Variants in LNX1 observed in about 807,000 individuals in gnomAD.
LNX1 encodes the protein ligand of numb-protein X 1, also known as E3 ubiquitin-protein ligase LNX.
A neutral mutation model predicts 68.4 loss-of-function variants in LNX1; 54 were observed. The ratio of observed to expected loss-of-function variants is 0.79; its 90% CI spans 0.63 to 0.99. LNX1 has a LOEUF of 0.99. Among genes scored for constraint, LNX1 ranks in the 50% least tolerant of loss-of-function variants. LNX1 has a pLI of 0.00. For synonymous variants in LNX1, 336 were observed against 350.0 expected (o/e 0.96, Z 0.45); for missense variants, 906 against 926.4 (o/e 0.98, Z 0.29).
intron 9 of LNX1, among the ~76,000 whole-genome samples, chr4:53,472,713 G>C (rs1339241589): frequency 6.8e-6 from 1 of 147,608 alleles, no homozygotes; most frequent in Non-Finnish European, 1.5e-5. Context: ...AAAACAATGG[G>C]GAAGTAAAGG....
At chr4:53,634,969 G>T (rs1030654480) in intron 1 of LNX1, among the ~76,000 whole-genome samples, 3 of 151,876 alleles carry the variant, frequency 2.0e-5, no homozygotes, top group African/African-American at 4.8e-5. Flanking sequence ...GGGACTACAG[G>T]TGCACACTAC....
chr4:53,564,456 T>C (rs376233547), intron 2 of LNX1, among the ~76,000 whole-genome samples: 1 of 151,982 alleles, frequency 6.6e-6, no homozygotes, highest in African/African-American at 2.4e-5. Context: ...AGTGGCTGGG[T>C]TTTCACTTTC....
chr4:53,509,613 G>T (rs993906575), intron 2 of LNX1, among the ~76,000 whole-genome samples: 1 of 152,130 alleles, frequency 6.6e-6, no homozygotes, highest in Non-Finnish European at 1.5e-5. Context: ...CTTATCAGGG[G>T]TTTAGTACTT....
At chr4:53,509,600 A>G (rs1726177221) in intron 2 of LNX1, among the ~76,000 whole-genome samples, 1 of 152,206 alleles carries the variant, frequency 6.6e-6, no homozygotes, top group African/African-American at 2.4e-5. Flanking sequence ...ATCGACATTA[A>G]GTCTTATCAG....
chr4:53,575,946 G>A (rs914035675), intron 1 of LNX1: 65 of 1,565,384 alleles, frequency 4.2e-5, no homozygotes, highest in African/African-American at 6.8e-5. Flanking sequence ...CCAACCTGCC[G>A]CAGGAGTGGC....
At position 53,489,294 on chromosome 4, in the gene LNX1, T is replaced by C. The variant is rs181528824; in HGVS notation, c.1350+6729A>G. Reference sequence around the variant, plus strand: ...GAAAAGGAGAATTAGGGCAGCAATATGGTTTATTTTTCCCAGTAGACTATA... The same window carrying C: ...GAAAAGGAGAATTAGGGCAGCAATACGGTTTATTTTTCCCAGTAGACTATA... On this transcript the variant is annotated intron_variant, in intron 6 of 10. Coordinates refer to ENST00000263925, the MANE Select transcript of LNX1 (RefSeq NM_001126328.3). Among the ~76,000 whole-genome samples the C allele has an allele frequency of 4.6e-3, 696 of 152,212 alleles. 4 individuals are homozygous for C. Among genetic ancestry groups the C allele is most frequent in the Middle Eastern group, 0.037 (11 of 294 alleles).
rs1169641148 is a variant in LNX1 at position 53,545,972 on chromosome 4, A to G, written c.380+27651T>C. ...ACAGTGCACCTCACCATGCCCAGAT[A>G]ATTTTTGTATTTTTAGTAAAGACAG... On this transcript the variant is annotated intron_variant, in intron 2 of 10. Coordinates refer to ENST00000263925, the MANE Select transcript of LNX1 (RefSeq NM_001126328.3). Among the ~76,000 whole-genome samples the G allele has an allele frequency of 5.3e-5, 8 of 151,786 alleles. No individual in the cohort carries two copies. The East Asian group carries it at 5.8e-4, about 11-fold the overall frequency.
Position 53,637,746 on chromosome 4 carries a change from T to C in LNX1, c.-215+14422A>G, listed in dbSNP as rs186615845. 2.6e-4 allele frequency among the ~76,000 whole-genome samples: 39 copies of C among 152,256 alleles called. 1 individual carries two copies. The highest frequency in any genetic ancestry group is 4.1e-4 in the Non-Finnish European group (28 of 68,034). Reference sequence around the variant, plus strand: ...CAAAACACAGCCAGTTTCTGAGATATTAAAATGTAAAAGAAGGAGTGTCTT... The same window carrying C: ...CAAAACACAGCCAGTTTCTGAGATACTAAAATGTAAAAGAAGGAGTGTCTT... On this transcript the variant is annotated intron_variant, in intron 1 of 2. Transcript: ENST00000507168.
chr4:53,543,636 A>G (rs1728903787), intron 2 of LNX1, among the ~76,000 whole-genome samples: 1 of 152,146 alleles, frequency 6.6e-6, no homozygotes, highest in Non-Finnish European at 1.5e-5. Flanking sequence ...CTTTCACTGG[A>G]CAAGGAAAAT....
chr4:53,645,358 A>G (rs1323888991), intron 1 of LNX1, among the ~76,000 whole-genome samples: 1 of 152,086 alleles, frequency 6.6e-6, no homozygotes, highest in Non-Finnish European at 1.5e-5. Flanking sequence ...GTGAATGAAG[A>G]TATTTGGTCA....
At chr4:53,480,069 C>T (rs1723814936) in intron 7 of LNX1, among the ~76,000 whole-genome samples, 1 of 152,154 alleles carries the variant, frequency 6.6e-6, no homozygotes, top group South Asian at 2.1e-4. Flanking sequence ...TTTGGTATTT[C>T]TTTGAATTGT....
chr4:53,564,795 C>T (rs1439975059), intron 2 of LNX1, among the ~76,000 whole-genome samples: 7 of 152,166 alleles, frequency 4.6e-5, no homozygotes, highest in African/African-American at 7.2e-5. Flanking sequence ...GCGCACCCTG[C>T]GCCAGCCGAA....
intron 2 of LNX1, among the ~76,000 whole-genome samples, chr4:53,552,797 C>A (rs1372406945): frequency 1.3e-5 from 2 of 148,196 alleles, no homozygotes; most frequent in East Asian, 3.9e-4. Context: ...CCACTGTATT[C>A]CAGCCTGGGC....
At position 53,478,730 on chromosome 4, in the gene LNX1, T is replaced by C; in HGVS notation, c.1498A>G (p.Thr500Ala). ...RSNTPKPLHP[T>A]ITCHEKVVNI... ...ACCACCTTCTCATGACAAGTAATTG[T>C]AGGATGGAGGGGCTGAAGGCACAGA... is the stretch of plus-strand genomic sequence containing the variant. Residue 500 changes from threonine to alanine, a missense_variant, in exon 8 of 11, where the codon ACA becomes GCA. Thr to Ala is a moderately conservative substitution (Grantham distance 58). Transcript: ENST00000263925. 6.2e-7 allele frequency: 1 copy of C among 1,613,814 alleles called. No homozygotes were observed. The highest frequency in any genetic ancestry group is 1.1e-5 in the South Asian group (1 of 90,996).
intron 9 of LNX1, among the ~76,000 whole-genome samples, chr4:53,467,533 A>G (rs1722779022): frequency 6.6e-6 from 1 of 152,188 alleles, no homozygotes; most frequent in Non-Finnish European, 1.5e-5. Context: ...TCAGAAGATC[A>G]CACTACTACG....
intron 2 of LNX1, among the ~76,000 whole-genome samples, chr4:53,545,556 G>A (rs1353059494): frequency 2.0e-5 from 3 of 152,166 alleles, no homozygotes; most frequent in Non-Finnish European, 2.9e-5. Context: ...TTTGCTGCAA[G>A]GTTCCTAGGA....
chr4:53,572,162 C>T (rs1179015277), intron 2 of LNX1, among the ~76,000 whole-genome samples: 2 of 152,286 alleles, frequency 1.3e-5, no homozygotes, highest in East Asian at 3.9e-4. Flanking sequence ...CTCCTGTTGG[C>T]ATCTACCTCA....
Position 53,563,916 on chromosome 4 carries a change from C to T in LNX1, c.380+9707G>A, listed in dbSNP as rs181509927. On this transcript the variant is annotated intron_variant, in intron 2 of 10. Transcript: ENST00000263925. The stretch of plus-strand genomic sequence containing the variant: ...GGAATGTATATCAGGCATATGGTGA[C>T]TAATACATACAACATATTTGTGGAA... 2.0e-4 allele frequency among the ~76,000 whole-genome samples: 30 copies of T among 152,284 alleles called. No individual in the cohort carries two copies. The East Asian group carries it at 5.0e-3, about 25-fold the overall frequency.
At chr4:53,510,644 C>A (rs144132490) in intron 2 of LNX1, among the ~76,000 whole-genome samples, 2 of 152,218 alleles carry the variant, frequency 1.3e-5, no homozygotes, top group Non-Finnish European at 2.9e-5. Context: ...AGCCAACTTG[C>A]ATTTGAGCGG....
Sources: gnomAD v4.1 joint callset for allele counts (sites outside exome capture counted in the v4.1 genomes callset) on GRCh38, gnomAD v4.1.1 for gene constraint, MANE v1.5 for transcripts, NCBI Gene and HGNC (gene_info 2026-07-23, HGNC 2026-07-21) for gene names.